Variants in IL1RAPL1 observed in about 807,000 individuals in gnomAD.
IL1RAPL1 encodes the protein interleukin 1 receptor accessory protein like 1, also known as interleukin-1 receptor accessory protein-like 1.
Under a neutral mutation model 48.4 loss-of-function variants are expected in IL1RAPL1, and 3 were observed. That is an observed-to-expected ratio of 0.06 (90% CI 0.03 to 0.16). The LOEUF (loss-of-function observed/expected upper bound fraction) is 0.16. IL1RAPL1 is among the 10% of genes least tolerant of loss of function. IL1RAPL1 has a pLI of 1.00. For synonymous variants in IL1RAPL1, 185 were observed against 187.7 expected, an observed-to-expected ratio of 0.99 and a Z score of 0.12; for missense variants, 349 against 530.6, an observed-to-expected ratio of 0.66 and a Z score of 3.36.
At chrX:28,689,954 A>T (rs1019059023) in intron 1 of IL1RAPL1, among the ~76,000 whole-genome samples, 2 of 111,752 alleles carry the variant, frequency 1.8e-5, no homozygotes, top group Non-Finnish European at 3.8e-5. Flanking sequence ...GTCAATGATG[A>T]CTGTGTTCCA....
At chrX:28,694,851 C>T (rs759655581) in intron 1 of IL1RAPL1, among the ~76,000 whole-genome samples, 1 of 111,629 alleles carries the variant, frequency 9.0e-6, no homozygotes, top group East Asian at 2.8e-4. Flanking sequence ...GAGCAAGTTT[C>T]CTTAGTTATT....
chrX:29,767,573 T>TAGC (rs1391014629), intron 6 of IL1RAPL1, among the ~76,000 whole-genome samples: 1 of 112,152 alleles, frequency 8.9e-6, no homozygotes, highest in Non-Finnish European at 1.9e-5. Flanking sequence ...AACCAAGTGA[T>TAGC]ATAGAACATA....
chrX:28,635,223 G>A (rs1159459777), intron 1 of IL1RAPL1, among the ~76,000 whole-genome samples: 1 of 112,074 alleles, frequency 8.9e-6, no homozygotes, highest in African/African-American at 3.2e-5. Context: ...TAATGTTTAA[G>A]CCATTTTTTG....
intron 6 of IL1RAPL1, among the ~76,000 whole-genome samples, chrX:29,837,287 A>G (rs1255053850): frequency 2.7e-5 from 2 of 73,658 alleles, no homozygotes; most frequent in African/African-American, 6.0e-5. Context: ...ATATATATAT[A>G]TATATATATA....
intron 5 of IL1RAPL1, among the ~76,000 whole-genome samples, chrX:29,492,796 C>G (rs965581221): frequency 4.5e-5 from 5 of 111,667 alleles, no homozygotes; most frequent in Non-Finnish European, 7.5e-5. Context: ...ATGTGGGCAT[C>G]TACAGGGGGC....
At chrX:29,785,277 G>A (rs1259949501) in intron 6 of IL1RAPL1, among the ~76,000 whole-genome samples, 1 of 112,122 alleles carries the variant, frequency 8.9e-6, no homozygotes, top group East Asian at 2.8e-4. Context: ...TCAGGGAAAT[G>A]TAAATTAAAA....
intron 2 of IL1RAPL1, among the ~76,000 whole-genome samples, chrX:29,158,932 C>CTCTCT (rs1569248646): frequency 2.0e-4 from 11 of 54,947 alleles, no homozygotes; most frequent in African/African-American, 6.3e-4. Flanking sequence ...CTCTCTCTCT[C>CTCTCT]CCCCCCCCTC....
intron 6 of IL1RAPL1, among the ~76,000 whole-genome samples, chrX:29,913,369 TTCTC>T (rs1162743843): frequency 2.4e-5 from 2 of 81,982 alleles, no homozygotes; most frequent in Non-Finnish European, 5.1e-5. Context: ...CCAGATCTCT[TTCTC>T]TGTGTGGGTG....
At chrX:29,580,104 C>T (rs984513809) in intron 5 of IL1RAPL1, among the ~76,000 whole-genome samples, 2 of 108,521 alleles carry the variant, frequency 1.8e-5, no homozygotes, top group African/African-American at 6.7e-5. Flanking sequence ...AAGATGGTCT[C>T]TCCTTTTTAC....
At chrX:29,304,428 T>C (rs762642477) in intron 3 of IL1RAPL1, among the ~76,000 whole-genome samples, 33 of 112,272 alleles carry the variant, frequency 2.9e-4, no homozygotes, top group African/African-American at 9.4e-4. Context: ...TGAAATTATT[T>C]TAAAATATCT....
chrX:29,740,101 CAACAAAAA>C (rs1362916998), intron 6 of IL1RAPL1, among the ~76,000 whole-genome samples: 1 of 46,295 alleles, frequency 2.2e-5, no homozygotes. Context: ...CATCTCAAAA[CAACAAAAA>C]AACAAAAAAA....
chrX:28,699,318 G>A (rs1935269558), intron 1 of IL1RAPL1, among the ~76,000 whole-genome samples: 1 of 111,992 alleles, frequency 8.9e-6, no homozygotes, highest in African/African-American at 3.2e-5. Flanking sequence ...TCAGCAGACT[G>A]CTATGTACAA....
At chrX:29,502,624 A>G (rs1228059678) in intron 5 of IL1RAPL1, among the ~76,000 whole-genome samples, 1 of 111,251 alleles carries the variant, frequency 9.0e-6, no homozygotes, top group Non-Finnish European at 1.9e-5. Flanking sequence ...ATTGATTTGT[A>G]TATGTTGAAT....
At chrX:28,749,925 A>G (rs1936021608) in intron 1 of IL1RAPL1, among the ~76,000 whole-genome samples, 1 of 109,056 alleles carries the variant, frequency 9.2e-6, no homozygotes, top group Admixed American at 9.8e-5. Flanking sequence ...AAGAAAAAAA[A>G]AGAAAAAAAA....
At chrX:28,939,125 C>T (rs987335855) in intron 2 of IL1RAPL1, among the ~76,000 whole-genome samples, 7 of 110,601 alleles carry the variant, frequency 6.3e-5, no homozygotes, top group African/African-American at 2.0e-4. Context: ...AGCAGTGTGA[C>T]GATTCCTCAA....
At chrX:28,796,264 C>G (rs1291825109) in intron 2 of IL1RAPL1, among the ~76,000 whole-genome samples, 2 of 111,564 alleles carry the variant, frequency 1.8e-5, no homozygotes, top group African/African-American at 6.5e-5. Context: ...CCCGGCCCCT[C>G]CCAGATTTCA....
At chrX:29,353,338 T>C (rs867274138) in intron 3 of IL1RAPL1, among the ~76,000 whole-genome samples, 7 of 111,458 alleles carry the variant, frequency 6.3e-5, no homozygotes, top group Non-Finnish European at 1.3e-4. Context: ...GAAGGAATGA[T>C]GGAAGAACTG....
At chrX:28,692,196 A>C (rs1263541968) in intron 1 of IL1RAPL1, among the ~76,000 whole-genome samples, 1 of 111,569 alleles carries the variant, frequency 9.0e-6, no homozygotes, top group Non-Finnish European at 1.9e-5. Flanking sequence ...CAAGCCATAC[A>C]TGAGGGATCT....
intron 6 of IL1RAPL1, among the ~76,000 whole-genome samples, chrX:29,910,818 G>A (rs768403069): frequency 9.0e-6 from 1 of 111,187 alleles, no homozygotes; most frequent in Admixed American, 9.6e-5. Flanking sequence ...ACCACAAAGA[G>A]ATCCTACTTC....
Sources: allele counts gnomAD v4.1 joint callset (sites outside exome capture counted in the v4.1 genomes callset), GRCh38; gene constraint gnomAD v4.1.1; transcripts MANE v1.5; gene names NCBI Gene and HGNC (gene_info 2026-07-23, HGNC 2026-07-21).